Variants in TRIO observed in about 807,000 individuals in gnomAD.
TRIO encodes trio Rho guanine nucleotide exchange factor.
TRIO carries 58 observed loss-of-function variants against 351.9 expected under a neutral mutation model. That is an observed-to-expected ratio of 0.16 (90% CI 0.13 to 0.21). TRIO has a LOEUF of 0.21. TRIO is among the 10% of genes least tolerant of loss of function. The probability of loss-of-function intolerance (pLI) is 1.00; values close to 1 mark genes in which losing one functional copy is unlikely to be tolerated. For synonymous variants in TRIO, 1,758 were observed against 1,595.7 expected, an observed-to-expected ratio of 1.10 and a Z score of -2.42; for missense variants, 3,201 against 4,027.8, an observed-to-expected ratio of 0.79 and a Z score of 5.56.
chr5:14,143,973 G>A, intron 1 of TRIO, 91 bp downstream of exon 1: 1 of 939,836 alleles, frequency 1.1e-6, no homozygotes, highest in Non-Finnish European at 1.3e-6. Flanking sequence ...GCCACCGCGC[G>A]CTGGTGCCCG....
Position 14,143,889 on chromosome 5 carries a change from GC to G in TRIO, c.157+8del. ...GCGGCCTTCTTCCGATCCGGTGAGT[GC>G]AACTGCGGCCGGCCCGCCCAGCGGC... On this transcript the variant is annotated splice_region_variant and intron_variant, in intron 1 of 56. Transcript: ENST00000344204. The G allele has an allele frequency of 9.3e-7, 1 of 1,076,878 alleles. No individual in the cohort carries two copies. The highest frequency in any genetic ancestry group is 1.1e-6 in the Non-Finnish European group (1 of 889,586). 66.7% of individuals were successfully genotyped at this position (1,076,878 alleles called of 1,614,324 possible).
rs1395525698 is a variant in TRIO, at chr5:14,310,789, G to A, written c.1501-5724G>A. On this transcript the variant is annotated intron_variant, in intron 8 of 56. Transcript: ENST00000344204. ...CAACCTCTGCCTCCTGGGTTCAAGC[G>A]ATTCTTGTGTCTTAGCCTCCTGAGC... Among the ~76,000 whole-genome samples the A allele has an allele frequency of 2.6e-5, 4 of 152,314 alleles. No individual in the cohort carries two copies. In the South Asian group the frequency reaches 6.2e-4, roughly 24 times the overall value.
Position 14,364,067 on chromosome 5 carries a change from G to A in TRIO, c.2587+140G>A, listed in dbSNP as rs554122292. 9.4e-5 allele frequency: 75 copies of A among 797,606 alleles called. No individual in the cohort carries two copies. In the African/African-American group the frequency reaches 1.1e-3, roughly 12 times the overall value. The allele number at this position is 797,606 out of a possible 1,614,324, so 49.4% of individuals were successfully genotyped here. A position where few individuals can be genotyped will look rare whatever the true frequency, so the allele number is the denominator to read the frequency against. The stretch of plus-strand genomic sequence containing the variant: ...ATAGATACCTGTTCTTTAAAAGAAC[G>A]TTTGCATTTTTATGTAATACAGTCA... On this transcript the variant is annotated intron_variant, in intron 14 of 56. Transcript: ENST00000344204.
At position 14,297,132 on chromosome 5, in the gene TRIO, C is replaced by T. The variant is rs775597120; in HGVS notation, c.1237C>T (p.His413Tyr). The change falls in exon 7 of 57, where the codon CAC (histidine) becomes TAC (tyrosine). Residue 413 changes from histidine (H) to tyrosine (Y), a missense_variant. Physicochemically the swap from His to Tyr is moderately conservative, Grantham distance 83. Around this residue, in one of 19 missense-constraint regions of TRIO, gnomAD observed 349 missense variants for 449.3 expected, o/e 0.78. Coordinates refer to ENST00000344204, the MANE Select transcript of TRIO (RefSeq NM_007118.4). ...GGCCAATCGTCTGGTGGAGTCTGGC[C>T]ACTATGCCTCGCAGCAGATCAGGCA... ...SVANRLVESG[H>Y]YASQQIRQIA... is the part of the protein sequence containing the mutation. The T allele has an allele frequency of 1.2e-6, 2 of 1,614,016 alleles. No homozygotes were observed.
intron 10 of TRIO, among the ~76,000 whole-genome samples, chr5:14,335,702 T>C (rs40275): frequency 0.7 from 106,586 of 152,234 alleles, 38,199 homozygotes; most frequent in African/African-American, 0.85. Context: ...AAGTGGTTCA[T>C]GCCTGTAATC....
intron 53 of TRIO, 168 bp downstream of exon 53, chr5:14,498,808 G>C: frequency 9.8e-7 from 1 of 1,024,232 alleles, no homozygotes; most frequent in Middle Eastern, 2.4e-4. Flanking sequence ...AGAGTGTCTG[G>C]GATGTCACAG....
At chr5:14,272,114 A>T (rs1190375975) in intron 2 of TRIO, among the ~76,000 whole-genome samples, 1 of 152,222 alleles carries the variant, frequency 6.6e-6, no homozygotes, top group Non-Finnish European at 1.5e-5. Context: ...CTCTTCTCTA[A>T]TCATTTACTG....
chr5:14,489,344 G>A (rs1313823891), intron 48 of TRIO, among the ~76,000 whole-genome samples: 3 of 152,314 alleles, frequency 2.0e-5, no homozygotes, highest in South Asian at 2.1e-4. Flanking sequence ...TGAAGTGGCC[G>A]GGTAGGCATC....
chr5:14,289,863 A>G (rs1736759740), intron 4 of TRIO, among the ~76,000 whole-genome samples: 1 of 152,140 alleles, frequency 6.6e-6, no homozygotes, highest in Non-Finnish European at 1.5e-5. Context: ...AAAAATAATA[A>G]TAATAAATAT....
intron 48 of TRIO, chr5:14,488,896 G>T (rs1241776939): frequency 2.7e-6 from 2 of 751,382 alleles, no homozygotes; most frequent in African/African-American, 3.4e-5. Flanking sequence ...GCTGGGGCCG[G>T]TCCCTGCGGC....
chr5:14,295,811 G>A (rs576856221), intron 6 of TRIO, among the ~76,000 whole-genome samples: 1 of 152,266 alleles, frequency 6.6e-6, no homozygotes, highest in East Asian at 1.9e-4. Context: ...CTTGACTGTT[G>A]CAGCCTCTTT....
intron 1 of TRIO, among the ~76,000 whole-genome samples, chr5:14,171,546 A>C (rs942267756): frequency 6.6e-6 from 1 of 152,232 alleles, no homozygotes; most frequent in Non-Finnish European, 1.5e-5. Flanking sequence ...GAGTTTAGCC[A>C]AACACTGTTC....
intron 34 of TRIO, among the ~76,000 whole-genome samples, chr5:14,455,065 C>T (rs113306765): frequency 0.049 from 7,457 of 152,132 alleles, 585 homozygotes; most frequent in African/African-American, 0.17. Context: ...AAGCTGCAGA[C>T]CTTCGCGGTG....
At chr5:14,458,382 T>A (rs978763992) in intron 34 of TRIO, among the ~76,000 whole-genome samples, 1 of 152,226 alleles carries the variant, frequency 6.6e-6, no homozygotes, top group African/African-American at 2.4e-5. Context: ...TCCATTCTCC[T>A]GACCCAGTGC....
intron 1 of TRIO, among the ~76,000 whole-genome samples, chr5:14,268,103 G>T (rs184502990): frequency 1.2e-4 from 18 of 152,274 alleles, no homozygotes; most frequent in African/African-American, 4.3e-4. Context: ...AATTTGGGGG[G>T]AAACTGAGGG....
Position 14,480,023 on chromosome 5 carries a change from G to A in TRIO, c.6336+12G>A. ...AGCTGTTACTGAAGGTGAGGAGGTG[G>A]CGGGACAAACTCTGGTGTCAGGAGT... On this transcript the variant is annotated intron_variant, in intron 43 of 56. Transcript: ENST00000344204. 6 of 1,613,564 alleles carry A rather than the reference G, an allele frequency of 3.7e-6. No individual in the cohort carries two copies. Among genetic ancestry groups the A allele is most frequent in the Non-Finnish European group, 4.2e-6 (5 of 1,179,572 alleles).
At chr5:14,273,346 G>A (rs995980069) in intron 2 of TRIO, among the ~76,000 whole-genome samples, 2 of 152,148 alleles carry the variant, frequency 1.3e-5, no homozygotes, top group Non-Finnish European at 2.9e-5. Context: ...GAATATTTCC[G>A]ATCCTTAGCG....
chr5:14,282,980 A>C (rs1016129233), intron 3 of TRIO, among the ~76,000 whole-genome samples: 1 of 152,194 alleles, frequency 6.6e-6, no homozygotes, highest in Admixed American at 6.5e-5. Context: ...AAGTGGCCAC[A>C]AAGTGAGTCC....
chr5:14,425,431 C>T (rs1014809055), intron 34 of TRIO, among the ~76,000 whole-genome samples: 6 of 152,294 alleles, frequency 3.9e-5, no homozygotes, highest in Admixed American at 3.3e-4. Flanking sequence ...ATGCAGATGC[C>T]ACATTGAGTT....
Sources: gnomAD v4.1 joint callset for allele counts (sites outside exome capture counted in the v4.1 genomes callset) on GRCh38, gnomAD v4.1.1 for gene constraint, gnomAD v4.1.1 regional missense constraint, MANE v1.5 for transcripts, NCBI Gene and HGNC (gene_info 2026-07-23, HGNC 2026-07-21) for gene names.